ASTN2: variants seen among roughly 807,000 people sequenced by gnomAD.
ASTN2 encodes the protein astrotactin-2.
In ASTN2, 54 loss-of-function variants were observed where a neutral mutation model predicts 139.8. The observed-to-expected ratio is 0.39, with a 90% CI of 0.31 to 0.48. ASTN2 has a LOEUF of 0.48. Ranked by LOEUF, ASTN2 falls within the 20% of genes least tolerant of loss-of-function variation. The pLI is 0.95. For missense variants in ASTN2, 1,565 were observed against 1,725.1 expected, an observed-to-expected ratio of 0.91 and a Z score of 1.64; for synonymous variants, 756 against 719.5, an observed-to-expected ratio of 1.05 and a Z score of -0.81.
intron 20 of ASTN2, among the ~76,000 whole-genome samples, chr9:116,477,363 C>T (rs1430734890): frequency 6.6e-6 from 1 of 151,936 alleles, no homozygotes. Flanking sequence ...CGCCAGGCTG[C>T]CGTACTTGCC....
At chr9:117,256,383 G>A (rs1833687432) in intron 2 of ASTN2, among the ~76,000 whole-genome samples, 1 of 152,138 alleles carries the variant, frequency 6.6e-6, no homozygotes, top group Non-Finnish European at 1.5e-5. Flanking sequence ...GGGACCTAGT[G>A]TTTATCAGAT....
chr9:116,880,851 A>ACC (rs1206299687), intron 10 of ASTN2, among the ~76,000 whole-genome samples: 4 of 151,992 alleles, frequency 2.6e-5, no homozygotes, highest in African/African-American at 7.3e-5. Flanking sequence ...CTGAGACATG[A>ACC]CCCCCGCCTT....
At chr9:116,820,292 T>A (rs10491575) in intron 12 of ASTN2, among the ~76,000 whole-genome samples, 1 of 152,114 alleles carries the variant, frequency 6.6e-6, no homozygotes, top group Non-Finnish European at 1.5e-5. Context: ...CAAACTGCAC[T>A]GACTAGGCCC....
At chr9:116,491,015 A>C (rs762501168) in intron 19 of ASTN2, among the ~76,000 whole-genome samples, 8 of 152,252 alleles carry the variant, frequency 5.3e-5, no homozygotes, top group Non-Finnish European at 8.8e-5. Flanking sequence ...CAAGCCCCAT[A>C]AACATGTCAG....
At chr9:117,117,131 A>T (rs1030089327) in intron 4 of ASTN2, among the ~76,000 whole-genome samples, 3 of 152,116 alleles carry the variant, frequency 2.0e-5, no homozygotes, top group Non-Finnish European at 4.4e-5. Flanking sequence ...CAGGCAAGTG[A>T]AAAACAGAGA....
intron 3 of ASTN2, among the ~76,000 whole-genome samples, chr9:117,186,721 G>C (rs28581827): frequency 0.02 from 3,089 of 152,168 alleles, 87 homozygotes; most frequent in African/African-American, 0.071. Context: ...TTATTTATTT[G>C]CTTTCTATAC....
intron 19 of ASTN2, among the ~76,000 whole-genome samples, chr9:116,609,379 G>GTATATATCTATATATATATA (rs1855405421): frequency 8.6e-6 from 1 of 116,726 alleles, no homozygotes. Context: ...ATATATGGGT[G>GTATATATCTATATATATATA]TATATATATA....
chr9:117,021,968 G>A (rs894482144), intron 6 of ASTN2, among the ~76,000 whole-genome samples: 2 of 151,966 alleles, frequency 1.3e-5, no homozygotes, highest in Admixed American at 6.6e-5. Context: ...ATACAGTTTC[G>A]CAAAAACAAA....
At chr9:116,820,850 C>A in intron 11 of ASTN2, 67 bp from the exon 12 acceptor site, 1 of 1,468,082 alleles carries the variant, frequency 6.8e-7, no homozygotes, top group Non-Finnish European at 9.2e-7. Context: ...ACACCCTCTC[C>A]TCCCTCCTGG....
At chr9:117,054,307 T>C (rs958676371) in intron 5 of ASTN2, among the ~76,000 whole-genome samples, 6 of 152,214 alleles carry the variant, frequency 3.9e-5, no homozygotes, top group African/African-American at 2.4e-5. Context: ...CAAACTTGAA[T>C]ATAGGCTCTG....
At chr9:117,358,410 G>C (rs549421312) in intron 1 of ASTN2, among the ~76,000 whole-genome samples, 20 of 131,134 alleles carry the variant, frequency 1.5e-4, no homozygotes, top group Middle Eastern at 3.9e-3. Context: ...CCCTGAATGA[G>C]TGTAACATTA....
chr9:116,949,999 T>C (rs1301030553), intron 10 of ASTN2, among the ~76,000 whole-genome samples: 2 of 151,480 alleles, frequency 1.3e-5, no homozygotes, highest in Non-Finnish European at 2.9e-5. Flanking sequence ...ATTTTGGTGG[T>C]GATTGTTATT....
intron 10 of ASTN2, among the ~76,000 whole-genome samples, chr9:116,928,445 T>A (rs994108846): frequency 3.3e-5 from 5 of 152,214 alleles, no homozygotes; most frequent in Admixed American, 3.3e-4. Context: ...CCTGAGCTCA[T>A]GTTTACTCAG....
chr9:116,890,896 T>C (rs1833747173), intron 10 of ASTN2, among the ~76,000 whole-genome samples: 1 of 152,194 alleles, frequency 6.6e-6, no homozygotes. Flanking sequence ...TTGGTGATTT[T>C]ACTCCTATGC....
intron 1 of ASTN2, among the ~76,000 whole-genome samples, chr9:117,396,878 T>G (rs1466989958): frequency 6.6e-6 from 1 of 151,948 alleles, no homozygotes; most frequent in Non-Finnish European, 1.5e-5. Flanking sequence ...ATGAGATATT[T>G]TGATACAGGC....
rs551704195 is a variant in ASTN2 at position 116,576,750 on chromosome 9, A to G, written c.3355+41574T>C. On this transcript the variant is annotated intron_variant, in intron 19 of 22. Transcript: ENST00000313400. ...CCCAAATCTCAAATAAAAGAGGGAA[A>G]GAGTACAGCTCAGGGTGTACAGAAG... is the stretch of plus-strand genomic sequence containing the variant. 3.9e-5 allele frequency among the ~76,000 whole-genome samples: 6 copies of G among 152,290 alleles called. No homozygotes were observed. The East Asian group carries it at 1.2e-3, about 29-fold the overall frequency.
intron 10 of ASTN2, among the ~76,000 whole-genome samples, chr9:116,891,008 T>C (rs750332222): frequency 6.6e-6 from 1 of 152,226 alleles, no homozygotes; most frequent in Non-Finnish European, 1.5e-5. Flanking sequence ...CTAGTTCATC[T>C]AGAAGTAATT....
chr9:116,917,327 G>A (rs573403443), intron 10 of ASTN2, among the ~76,000 whole-genome samples: 1 of 152,054 alleles, frequency 6.6e-6, no homozygotes. Context: ...TTGAGTTAAT[G>A]TCAGCCCCAC....
intron 19 of ASTN2, among the ~76,000 whole-genome samples, chr9:116,607,472 G>A (rs1365345117): frequency 6.6e-6 from 1 of 152,130 alleles, no homozygotes; most frequent in African/African-American, 2.4e-5. Context: ...ACAGGAAGAA[G>A]GGCCTAGATC....
Sources: allele counts gnomAD v4.1 joint callset (sites outside exome capture counted in the v4.1 genomes callset), GRCh38; gene constraint gnomAD v4.1.1; transcripts MANE v1.5; gene names NCBI Gene and HGNC (gene_info 2026-07-23, HGNC 2026-07-21).